The following KANK1 variants were observed in gnomAD, a reference collection of about 807,000 sequenced individuals.
KANK1 encodes KN motif and ankyrin repeat domain-containing protein 1.
A neutral mutation model predicts 106.2 loss-of-function variants in KANK1; 109 were observed. The ratio of observed to expected loss-of-function variants is 1.03; its 90% CI spans 0.88 to 1.20. KANK1 has a LOEUF of 1.20. Ranked by LOEUF, KANK1 falls within the 50% of genes most tolerant of loss-of-function variation. KANK1 has a pLI of 0.00. For missense variants in KANK1, 2,399 were observed against 1,710.7 expected (o/e 1.40, Z -7.10); for synonymous variants, 873 against 652.2 (o/e 1.34, Z -5.16).
At chr9:604,953 G>C (rs931531734) in intron 1 of KANK1, among the ~76,000 whole-genome samples, 2 of 151,816 alleles carry the variant, frequency 1.3e-5, no homozygotes, top group East Asian at 1.9e-4. Context: ...TGTGAAAATG[G>C]ACTAATGCAA....
chr9:521,501 C>G (rs547637545), intron 1 of KANK1, among the ~76,000 whole-genome samples: 6 of 150,604 alleles, frequency 4.0e-5, no homozygotes, highest in Admixed American at 4.0e-4. Flanking sequence ...AGATGGTGTT[C>G]ATTCATGAAA....
intron 1 of KANK1, among the ~76,000 whole-genome samples, chr9:510,510 G>A (rs1013329917): frequency 3.9e-5 from 6 of 152,148 alleles, no homozygotes; most frequent in Non-Finnish European, 2.9e-5. Flanking sequence ...TCCCCCAAAA[G>A]TAAGACTTGA....
intron 3 of KANK1, among the ~76,000 whole-genome samples, chr9:713,682 C>G (rs895798416): frequency 1.2e-4 from 18 of 152,172 alleles, no homozygotes; most frequent in African/African-American, 3.6e-4. Context: ...TGGCTGAGGA[C>G]TAACGCTGGA....
At chr9:716,707 A>G (rs1472710365) in intron 3 of KANK1, among the ~76,000 whole-genome samples, 41 of 152,224 alleles carry the variant, frequency 2.7e-4, no homozygotes, top group Admixed American at 2.6e-3. Context: ...TAGCAGCATC[A>G]TAATGCTTAA....
At chr9:651,676 A>G (rs1840908925) in intron 1 of KANK1, among the ~76,000 whole-genome samples, 1 of 152,216 alleles carries the variant, frequency 6.6e-6, no homozygotes, top group African/African-American at 2.4e-5. Context: ...ATTTTGATTA[A>G]TTGTTTTACA....
chr9:616,422 T>A (rs1667531410), intron 1 of KANK1, among the ~76,000 whole-genome samples: 1 of 152,204 alleles, frequency 6.6e-6, no homozygotes, highest in Admixed American at 6.5e-5. Context: ...GCCAGATCTT[T>A]AATTTACGAA....
chr9:713,231 G>C lies in KANK1; in HGVS notation c.2465G>C (p.Gly822Ala), dbSNP rs765871513. 47 of 1,603,662 alleles carry C rather than the reference G, an allele frequency of 2.9e-5. No homozygotes were observed. Among genetic ancestry groups the C allele is most frequent in the Middle Eastern group, 1.7e-4 (1 of 6,000 alleles). The change falls in exon 3 of 12, where the codon GGC (glycine) becomes GCC (alanine). Residue 822 changes from glycine to alanine, a missense_variant. Physicochemically the swap from Gly to Ala is moderately conservative, Grantham distance 60. Transcript: ENST00000382297. ...QPQAPLGMMT[G>A]LDHYIERIQK... Reference sequence around the variant, plus strand: ...CAAGCTCCACTTGGAATGATGACTGGCCTGGATCACTACATTGAGCGTATC... The same window carrying C: ...CAAGCTCCACTTGGAATGATGACTGCCCTGGATCACTACATTGAGCGTATC...
At chr9:518,886 TA>T (rs1226043806) in intron 1 of KANK1, among the ~76,000 whole-genome samples, 3 of 131,988 alleles carry the variant, frequency 2.3e-5, no homozygotes, top group South Asian at 2.4e-4. Flanking sequence ...GCATTGTCTT[TA>T]AATTTTTTTT....
chr9:636,595 C>T (rs769167167), intron 1 of KANK1, among the ~76,000 whole-genome samples: 2 of 152,186 alleles, frequency 1.3e-5, no homozygotes, highest in African/African-American at 4.8e-5. Flanking sequence ...TGGCTGGGTG[C>T]GGTGGCTCAC....
chr9:704,238 C>CT (rs1333588657), intron 2 of KANK1, among the ~76,000 whole-genome samples: 1 of 152,122 alleles, frequency 6.6e-6, no homozygotes, highest in African/African-American at 2.4e-5. Flanking sequence ...ACCTTTATAT[C>CT]TTTTTCACTT....
At chr9:723,954 G>T in intron 3 of KANK1, among the ~76,000 whole-genome samples, 1 of 117,300 alleles carries the variant, frequency 8.5e-6, no homozygotes. Flanking sequence ...AAAAAAAAAA[G>T]AAGCCAGGCG....
chr9:500,963 C>T (rs190022482), upstream of KANK1, among the ~76,000 whole-genome samples: 120 of 152,192 alleles, frequency 7.9e-4, no homozygotes, highest in African/African-American at 2.8e-3. Context: ...CTTTCTGTAC[C>T]CCAGCAGTTA....
At chr9:578,329 C>CTGTGTGTG (rs33959144) in intron 1 of KANK1, among the ~76,000 whole-genome samples, 16 of 149,804 alleles carry the variant, frequency 1.1e-4, no homozygotes, top group African/African-American at 3.9e-4. Context: ...TATTTTTCAA[C>CTGTGTGTG]TGTGTGTGTG....
At chr9:727,680 A>ATGTG (rs55997819) in intron 3 of KANK1, among the ~76,000 whole-genome samples, 3,135 of 139,740 alleles carry the variant, frequency 0.022, 56 homozygotes, top group African/African-American at 0.049. Flanking sequence ...ATAACTTTTC[A>ATGTG]TGTGTGTGTG....
intron 1 of KANK1, among the ~76,000 whole-genome samples, chr9:630,195 C>G (rs529302184): frequency 1.3e-5 from 2 of 151,904 alleles, no homozygotes; most frequent in Admixed American, 6.6e-5. Context: ...CTGCAGTGAG[C>G]TGAGGTTGCA....
At chr9:551,894 A>G (rs1241146336) in intron 1 of KANK1, among the ~76,000 whole-genome samples, 1 of 151,976 alleles carries the variant, frequency 6.6e-6, no homozygotes, top group Non-Finnish European at 1.5e-5. Context: ...CAAAAAAAAA[A>G]AAAAATCAAA....
chr9:500,272 G>T (rs1294728359), upstream of KANK1, among the ~76,000 whole-genome samples: 5 of 152,272 alleles, frequency 3.3e-5, no homozygotes, highest in African/African-American at 4.8e-5. Flanking sequence ...AAATTAACAA[G>T]AATAATAAAC....
At chr9:590,041 TTTC>T (rs1824454492) in intron 1 of KANK1, among the ~76,000 whole-genome samples, 2 of 152,260 alleles carry the variant, frequency 1.3e-5, no homozygotes, top group South Asian at 4.2e-4. Context: ...GATGGAAACA[TTTC>T]TTAATTGCTT....
intron 1 of KANK1, among the ~76,000 whole-genome samples, chr9:647,762 C>T (rs1840005314): frequency 6.6e-6 from 1 of 150,794 alleles, no homozygotes; most frequent in Non-Finnish European, 1.5e-5. Context: ...TGCCAAACAA[C>T]CTCAATTCTT....
Sources: allele counts gnomAD v4.1 joint callset (sites outside exome capture counted in the v4.1 genomes callset), GRCh38; gene constraint gnomAD v4.1.1; transcripts MANE v1.5; gene names NCBI Gene and HGNC (gene_info 2026-07-23, HGNC 2026-07-21).